The following KLHL14 variants were observed in gnomAD, a reference collection of about 807,000 sequenced individuals.
The protein encoded by KLHL14 is kelch like family member 14, also known as kelch-like protein 14.
KLHL14 carries 22 observed loss-of-function variants against 64.3 expected under a neutral mutation model. That is an observed-to-expected ratio of 0.34 (90% CI 0.24 to 0.49). The LOEUF (loss-of-function observed/expected upper bound fraction) is 0.49, where lower values mean the gene tolerates loss of function less well. Ranked by LOEUF, KLHL14 falls within the 20% of genes least tolerant of loss-of-function variation. KLHL14 has a pLI of 0.99. For synonymous variants in KLHL14, 322 were observed against 333.4 expected, an observed-to-expected ratio of 0.97 and a Z score of 0.37; for missense variants, 661 against 789.0, an observed-to-expected ratio of 0.84 and a Z score of 1.94.
intron 3 of KLHL14, among the ~76,000 whole-genome samples, chr18:32,704,918 C>G (rs1047555331): frequency 2.6e-5 from 4 of 151,996 alleles, no homozygotes; most frequent in African/African-American, 9.7e-5. Context: ...ACAGAGTACT[C>G]CAGGTAGAAG....
In KLHL14 at chr18:32,751,586, T is replaced by C. The variant is rs536730168; in HGVS notation, c.948-9537A>G. ...TGAAAATGCCTTACTTCCCAGAGTC[T>C]GACTTTGGGCTCCTCCTCTTCCTCA... On this transcript the variant is annotated intron_variant, in intron 2 of 8. Transcript: ENST00000359358. Among the ~76,000 whole-genome samples, 6 of 152,312 alleles carry C rather than the reference T, an allele frequency of 3.9e-5. No individual in the cohort carries two copies. In the South Asian group the frequency reaches 1.2e-3, roughly 32 times the overall value.
intron 2 of KLHL14, among the ~76,000 whole-genome samples, chr18:32,755,739 T>A (rs2050278452): frequency 6.6e-6 from 1 of 152,218 alleles, no homozygotes; most frequent in Non-Finnish European, 1.5e-5. Context: ...TCCTTTCAGA[T>A]CAATTTATTT....
At chr18:32,713,658 G>A (rs746967920) in intron 3 of KLHL14, among the ~76,000 whole-genome samples, 1 of 151,870 alleles carries the variant, frequency 6.6e-6, no homozygotes, top group Non-Finnish European at 1.5e-5. Context: ...CATGAATTAT[G>A]GTGTATATGC....
intron 2 of KLHL14, among the ~76,000 whole-genome samples, chr18:32,761,393 CTTTTTTTTTT>C (rs10676001): frequency 8.7e-5 from 11 of 127,088 alleles, no homozygotes; most frequent in African/African-American, 3.4e-4. Flanking sequence ...GCCACACATC[CTTTTTTTTTT>C]TTTTTTTTTA....
chr18:32,720,617 T>A (rs1423703679), intron 3 of KLHL14, among the ~76,000 whole-genome samples: 1 of 152,136 alleles, frequency 6.6e-6, no homozygotes, highest in African/African-American at 2.4e-5. Flanking sequence ...CAAGGATGAA[T>A]GTTCAGGATG....
chr18:32,758,567 A>G (rs1312643022), intron 2 of KLHL14, among the ~76,000 whole-genome samples: 1 of 152,212 alleles, frequency 6.6e-6, no homozygotes, highest in Non-Finnish European at 1.5e-5. Flanking sequence ...TTAATATATG[A>G]GGCAGCATTC....
At chr18:32,728,879 G>A (rs1434332660) in intron 3 of KLHL14, among the ~76,000 whole-genome samples, 2 of 152,146 alleles carry the variant, frequency 1.3e-5, no homozygotes, top group Non-Finnish European at 2.9e-5. Flanking sequence ...ACCAAGGAGG[G>A]CTGGAAGCCA....
rs1205558977 is a variant in KLHL14 at position 32,683,395 on chromosome 18, G to T, written c.1239-2796C>A. Among the ~76,000 whole-genome samples, 1 of 152,134 alleles carries T rather than the reference G, an allele frequency of 6.6e-6. No individual in the cohort carries two copies. Among genetic ancestry groups the T allele is most frequent in the Non-Finnish European group, 1.5e-5 (1 of 68,028 alleles). ...TGACCAAAGTGAGAGTTCCTGAAAT[G>T]CATTTTAGAAACCTGATTGTTAATG... is the stretch of plus-strand genomic sequence containing the variant. On this transcript the variant is annotated intron_variant, in intron 5 of 8. Coordinates refer to ENST00000359358, the MANE Select transcript of KLHL14 (RefSeq NM_020805.3). This position sits in a 1 kb window ranked among gnomAD's most constrained non-coding sequence, Gnocchi z 4.2.
chr18:32,752,713 C>T (rs2050261168), intron 2 of KLHL14, among the ~76,000 whole-genome samples: 1 of 151,504 alleles, frequency 6.6e-6, no homozygotes, highest in Non-Finnish European at 1.5e-5. Flanking sequence ...TTATTTAAAA[C>T]TGCTCACTTA....
chr18:32,693,304 C>A (rs989530081), intron 4 of KLHL14, among the ~76,000 whole-genome samples: 1 of 151,560 alleles, frequency 6.6e-6, no homozygotes, highest in Non-Finnish European at 1.5e-5. Flanking sequence ...AATGACCTCA[C>A]GTGCCAAATG....
intron 3 of KLHL14, among the ~76,000 whole-genome samples, chr18:32,701,774 G>A (rs1049579600): frequency 6.6e-5 from 10 of 152,200 alleles, no homozygotes; most frequent in Non-Finnish European, 5.9e-5. Context: ...GGGGACAGTA[G>A]AGATGGACAG....
chr18:32,762,457 TCTTA>T (rs2050319369), intron 2 of KLHL14, among the ~76,000 whole-genome samples: 1 of 152,120 alleles, frequency 6.6e-6, no homozygotes, highest in South Asian at 2.1e-4. Flanking sequence ...CTTGCATTTT[TCTTA>T]CTTCTTGTTT....
intron 2 of KLHL14, among the ~76,000 whole-genome samples, chr18:32,752,977 G>GTGTA (rs1298240164): frequency 6.6e-6 from 1 of 151,286 alleles, no homozygotes; most frequent in East Asian, 1.9e-4. Context: ...GTGTGTGTGT[G>GTGTA]TGTGTGTGTG....
At chr18:32,699,650 A>C (rs562743338) in intron 3 of KLHL14, among the ~76,000 whole-genome samples, 35 of 152,264 alleles carry the variant, frequency 2.3e-4, no homozygotes, top group African/African-American at 7.9e-4. Flanking sequence ...AGGTATGTTC[A>C]TCCATCCAGC....
intron 3 of KLHL14, among the ~76,000 whole-genome samples, chr18:32,714,936 A>G (rs905294708): frequency 2.6e-5 from 4 of 151,728 alleles, no homozygotes; most frequent in African/African-American, 7.3e-5. Context: ...GAGAATGTCA[A>G]TATTATTTTC....
intron 3 of KLHL14, among the ~76,000 whole-genome samples, chr18:32,732,080 C>T (rs111452469): frequency 0.015 from 2,232 of 152,086 alleles, 56 homozygotes; most frequent in African/African-American, 0.049. Context: ...AAAAATTAGC[C>T]GGGCGTGGTG....
In KLHL14 at chr18:32,683,031, A is replaced by G. The variant is rs556589298; in HGVS notation, c.1239-2432T>C. 5.9e-5 allele frequency among the ~76,000 whole-genome samples: 9 copies of G among 152,298 alleles called. No individual in the cohort carries two copies. The highest frequency in any genetic ancestry group is 5.8e-4 in the East Asian group (3 of 5,182). ...TGCCACTTAGTCACAACAAGTATGA[A>G]AACCTTCTATTTAACTGAGTATAGA... On this transcript the variant is annotated intron_variant, in intron 5 of 8. Coordinates refer to ENST00000359358, the MANE Select transcript of KLHL14 (RefSeq NM_020805.3). This position sits in a 1 kb window ranked among gnomAD's most constrained non-coding sequence, Gnocchi z 4.2.
Position 32,718,960 on chromosome 18 carries a change from T to C in KLHL14, c.1069+22968A>G, listed in dbSNP as rs191120255. Among the ~76,000 whole-genome samples, 541 of 152,368 alleles carry C rather than the reference T, an allele frequency of 3.6e-3. 5 individuals are homozygous for C. Among genetic ancestry groups the C allele is most frequent in the African/African-American group, 0.013 (529 of 41,590 alleles). On this transcript the variant is annotated intron_variant, in intron 3 of 8. Transcript: ENST00000359358. ...TGGGAACATGAACTTTCTTTCTTTT[T>C]TTTTTGAGACAGAGTTTCACTCTTG...
rs541755537 is a variant in KLHL14, at chr18:32,683,203, C to T, written c.1239-2604G>A. Reference sequence around the variant, plus strand: ...AACCTGCTCTCTTTTCTAGCCAAGGCGTTCTTCATGCGACACTTCGTGTGT... The same window carrying T: ...AACCTGCTCTCTTTTCTAGCCAAGGTGTTCTTCATGCGACACTTCGTGTGT... On this transcript the variant is annotated intron_variant, in intron 5 of 8. Coordinates refer to ENST00000359358, the MANE Select transcript of KLHL14 (RefSeq NM_020805.3). The surrounding 1 kb of genome is among the most constrained non-coding windows in gnomAD (Gnocchi z 4.2). Among the ~76,000 whole-genome samples, 26 of 152,220 alleles carry T rather than the reference C, an allele frequency of 1.7e-4. No individual in the cohort carries two copies. The highest frequency in any genetic ancestry group is 1.2e-3 in the East Asian group (6 of 5,188).
Sources: gnomAD v4.1 joint callset for allele counts (sites outside exome capture counted in the v4.1 genomes callset) on GRCh38, gnomAD v4.1.1 for gene constraint, Gnocchi (gnomAD v3.1) non-coding constraint, MANE v1.5 for transcripts, NCBI Gene and HGNC (gene_info 2026-07-23, HGNC 2026-07-21) for gene names.